The following MYT1L variants were observed in gnomAD, a reference collection of about 807,000 sequenced individuals.
MYT1L encodes the protein myelin transcription factor 1-like protein.
MYT1L carries 12 observed loss-of-function variants against 126.7 expected under a neutral mutation model. That is an observed-to-expected ratio of 0.09 (90% CI 0.06 to 0.15). The LOEUF is 0.15. Ranked by LOEUF, MYT1L falls within the 10% of genes least tolerant of loss-of-function variation. The pLI is 1.00. For missense variants in MYT1L, 979 were observed against 1,585.2 expected (o/e 0.62, Z 6.49); for synonymous variants, 541 against 604.2 (o/e 0.90, Z 1.53).
At chr2:1,834,108 G>A in intron 21 of MYT1L, among the ~76,000 whole-genome samples, 1 of 152,210 alleles carries the variant, frequency 6.6e-6, no homozygotes. Flanking sequence ...TCACAGTTTG[G>A]GGTAAAAGAG....
chr2:2,214,565 T>G (rs1190054938), intron 2 of MYT1L, among the ~76,000 whole-genome samples: 1 of 152,200 alleles, frequency 6.6e-6, no homozygotes, highest in East Asian at 1.9e-4. Context: ...GAACACCATC[T>G]TTAAAGTACT....
chr2:2,178,321 T>C (rs2091050302), intron 2 of MYT1L, among the ~76,000 whole-genome samples: 1 of 152,170 alleles, frequency 6.6e-6, no homozygotes, highest in South Asian at 2.1e-4. Flanking sequence ...TGCTTTACAA[T>C]ATAGTTGAAG....
At chr2:1,928,140 A>T (rs1347774959) in intron 9 of MYT1L, among the ~76,000 whole-genome samples, 1 of 152,180 alleles carries the variant, frequency 6.6e-6, no homozygotes. Flanking sequence ...TTTTGTAGAG[A>T]CAGAGTTTCA....
chr2:2,133,854 GC>G (rs1249381965), intron 3 of MYT1L, among the ~76,000 whole-genome samples: 1 of 152,142 alleles, frequency 6.6e-6, no homozygotes, highest in East Asian at 1.9e-4. Flanking sequence ...CACACCACAT[GC>G]CCTAATTGTA....
Position 1,887,425 on chromosome 2 carries a change from A to G in MYT1L, c.2642+63T>C. 1 of 1,610,110 alleles carries G rather than the reference A, an allele frequency of 6.2e-7. No homozygotes were observed. Among genetic ancestry groups the G allele is most frequent in the South Asian group, 1.1e-5 (1 of 90,838 alleles). ...CAAGGCATATACAGATCCAGTTTTA[A>G]AAAATCAGCCAAAGAATGGGAAGAT... On this transcript the variant is annotated intron_variant, in intron 17 of 24. Coordinates refer to ENST00000647738, the MANE Select transcript of MYT1L (RefSeq NM_001303052.2). This position sits in a 1 kb window ranked among gnomAD's most constrained non-coding sequence, Gnocchi z 4.8.
intron 13 of MYT1L, among the ~76,000 whole-genome samples, chr2:1,904,863 G>A (rs112593657): frequency 0.065 from 9,703 of 150,066 alleles, 928 homozygotes; most frequent in African/African-American, 0.22. Context: ...GTGCGATCTC[G>A]GCTCACTGCA....
chr2:1,922,561 T>A lies in MYT1L; in HGVS notation c.1208A>T (p.Asp403Val). 6.2e-7 allele frequency: 1 copy of A among 1,613,938 alleles called. No homozygotes were observed. The highest frequency in any genetic ancestry group is 8.5e-7 in the Non-Finnish European group (1 of 1,179,880). ...ATCGTCGTCCCGCTCATGACACCCA[T>A]CCTCCTTCGCACAGCTGGCAAACAC... ...SRVFASCAKE[D>V]GCHERDDDTT... Residue 403 changes from aspartate to valine, a missense_variant, in exon 10 of 25, where the codon GAT becomes GTT. By Grantham distance (152) the Asp-to-Val change is radical. Coordinates refer to ENST00000647738, the MANE Select transcript of MYT1L (RefSeq NM_001303052.2). This position sits in a 1 kb window ranked among gnomAD's most constrained non-coding sequence, Gnocchi z 7.4.
At chr2:1,956,191 G>GTCTGTCTATCTATCTATCTCTCTATCTA (rs1553354694) in intron 8 of MYT1L, among the ~76,000 whole-genome samples, 1 of 145,876 alleles carries the variant, frequency 6.9e-6, no homozygotes, top group African/African-American at 2.7e-5. Flanking sequence ...TTACCTAGCT[G>GTCTGTCTATCTATCTATCTCTCTATCTA]TCTATCTATC....
chr2:1,911,450 G>A (rs537303709), intron 12 of MYT1L, among the ~76,000 whole-genome samples: 1 of 152,274 alleles, frequency 6.6e-6, no homozygotes, highest in South Asian at 2.1e-4. Flanking sequence ...AGTCTGCACA[G>A]GACAGGAAAA....
chr2:2,265,300 G>A (rs114026225), intron 2 of MYT1L, among the ~76,000 whole-genome samples: 1,896 of 151,646 alleles, frequency 0.013, 28 homozygotes, highest in African/African-American at 0.042. Context: ...GAGCCACCGC[G>A]CCTGGCCCAT....
At chr2:2,004,891 C>T (rs1454901316) in intron 4 of MYT1L, among the ~76,000 whole-genome samples, 1 of 150,186 alleles carries the variant, frequency 6.7e-6, no homozygotes, top group Non-Finnish European at 1.5e-5. Flanking sequence ...TTCTTTCCTG[C>T]ATGTGTTCTT....
chr2:1,923,376 T>C, intron 9 of MYT1L, 113 bp from the exon 10 acceptor site: 1 of 880,576 alleles, frequency 1.1e-6, no homozygotes, highest in Non-Finnish European at 1.7e-6. Context: ...AAACCGTCTA[T>C]CATCTCACAG....
Position 1,801,024 on chromosome 2 carries a change from G to A in MYT1L, c.3276+672C>T, listed in dbSNP as rs997043361. 6.6e-6 allele frequency among the ~76,000 whole-genome samples: 1 copy of A among 152,204 alleles called. No homozygotes were observed. The highest frequency in any genetic ancestry group is 2.4e-5 in the African/African-American group (1 of 41,456). On this transcript the variant is annotated intron_variant, in intron 23 of 24. Transcript: ENST00000647738. This position sits in a 1 kb window ranked among gnomAD's most constrained non-coding sequence, Gnocchi z 4.2. Reference sequence around the variant, plus strand: ...GCGGGACCCTAACACAGCAAGGTGGGGGATGCCAGGCACAAGGCTCATGGT... The same window carrying A: ...GCGGGACCCTAACACAGCAAGGTGGAGGATGCCAGGCACAAGGCTCATGGT...
intron 2 of MYT1L, among the ~76,000 whole-genome samples, chr2:2,235,813 C>A (rs1559416648): frequency 6.6e-6 from 1 of 152,116 alleles, no homozygotes; most frequent in Non-Finnish European, 1.5e-5. Flanking sequence ...AGGTACGCCC[C>A]TCCCTCATGT....
intron 5 of MYT1L, among the ~76,000 whole-genome samples, chr2:1,984,853 A>C (rs567866739): frequency 1.7e-4 from 26 of 152,228 alleles, no homozygotes; most frequent in African/African-American, 6.0e-4. Flanking sequence ...AAACTCAGTA[A>C]AATCCCTTGG....
At chr2:2,219,310 G>A (rs994631276) in intron 2 of MYT1L, among the ~76,000 whole-genome samples, 15 of 152,228 alleles carry the variant, frequency 9.9e-5, no homozygotes, top group African/African-American at 3.6e-4. Flanking sequence ...TGCAGACTGA[G>A]AGGGTTTAGA....
chr2:1,841,689 G>T (rs4464304), intron 19 of MYT1L: 2 of 151,708 alleles, frequency 1.3e-5, no homozygotes, highest in Non-Finnish European at 2.9e-5. Flanking sequence ...GGGAGCGAGC[G>T]CACACGGATG....
intron 2 of MYT1L, among the ~76,000 whole-genome samples, chr2:2,281,437 G>T (rs557763890): frequency 1.3e-5 from 2 of 152,268 alleles, no homozygotes; most frequent in South Asian, 4.1e-4. Context: ...TAATATAATT[G>T]TTGTGTAATA....
At chr2:2,199,845 C>G (rs759365420) in intron 2 of MYT1L, among the ~76,000 whole-genome samples, 3 of 152,194 alleles carry the variant, frequency 2.0e-5, no homozygotes, top group Non-Finnish European at 4.4e-5. Context: ...CCACTACACA[C>G]AGTACCCCTC....
Sources: allele counts gnomAD v4.1 joint callset (sites outside exome capture counted in the v4.1 genomes callset), GRCh38; gene constraint gnomAD v4.1.1; non-coding constraint Gnocchi (gnomAD v3.1); transcripts MANE v1.5; gene names NCBI Gene and HGNC (gene_info 2026-07-23, HGNC 2026-07-21).